Variants in ASB14 observed in about 807,000 individuals in gnomAD.
ASB14 encodes the protein ankyrin repeat and SOCS box protein 14.
ASB14 carries 63 observed loss-of-function variants against 55.6 expected under a neutral mutation model. The observed-to-expected ratio is 1.13, with a 90% CI of 0.92 to 1.40. The LOEUF (loss-of-function observed/expected upper bound fraction) is 1.40. Among genes scored for constraint, ASB14 ranks in the 40% most tolerant of loss-of-function variants. The pLI is 0.00. For synonymous variants in ASB14, 256 were observed against 259.9 expected (o/e 0.98, Z 0.15); for missense variants, 724 against 710.4 (o/e 1.02, Z -0.22).
intron 2 of ASB14, among the ~76,000 whole-genome samples, chr3:57,289,808 C>T (rs1024452136): frequency 1.3e-5 from 2 of 149,810 alleles, no homozygotes; most frequent in South Asian, 2.1e-4. Flanking sequence ...CCATCACGGC[C>T]GGCTAATTTT....
At chr3:57,284,518 A>G (rs1442098394) in intron 5 of ASB14, among the ~76,000 whole-genome samples, 2 of 152,200 alleles carry the variant, frequency 1.3e-5, no homozygotes, top group Non-Finnish European at 2.9e-5. Flanking sequence ...CATTTGCTTA[A>G]CTTTTTAACC....
chr3:57,280,538 A>ATCCCCATCACC, intron 6 of ASB14, 65 bp from the exon 7 acceptor site: 4 of 1,418,754 alleles, frequency 2.8e-6, no homozygotes, highest in Non-Finnish European at 3.8e-6. Context: ...GAGCAATCTT[A>ATCCCCATCACC]AAAATATATC....
At chr3:57,276,438 G>T in intron 10 of ASB14, 90 bp downstream of exon 10, 1 of 937,698 alleles carries the variant, frequency 1.1e-6, no homozygotes, top group South Asian at 1.8e-5. Flanking sequence ...AAAGGACTTA[G>T]ACTGCATTGA....
chr3:57,276,764 G>C (rs768432634), intron 9 of ASB14, 36 bp from the exon 10 acceptor site: 5 of 1,565,380 alleles, frequency 3.2e-6, no homozygotes, highest in Non-Finnish European at 4.3e-6. Context: ...AAGAGAAAAA[G>C]AACTTTTTTT....
At chr3:57,284,915 T>C (rs1030953071) in intron 5 of ASB14, among the ~76,000 whole-genome samples, 2 of 150,602 alleles carry the variant, frequency 1.3e-5, no homozygotes, top group African/African-American at 4.9e-5. Context: ...CAGTACTCTG[T>C]TGGTCTCTCT....
intron 6 of ASB14, among the ~76,000 whole-genome samples, chr3:57,281,011 A>C (rs1015624770): frequency 6.6e-6 from 1 of 152,198 alleles, no homozygotes; most frequent in Non-Finnish European, 1.5e-5. Flanking sequence ...ATTAGTACAG[A>C]GTATCCCTTA....
intron 6 of ASB14, 156 bp downstream of exon 6, chr3:57,283,038 A>G (rs1453566061): frequency 7.3e-6 from 8 of 1,088,920 alleles, no homozygotes; most frequent in African/African-American, 1.6e-5. Flanking sequence ...TCTTTATGTT[A>G]GGCTTCTCAG....
rs1435779980 is a variant in ASB14 at position 57,278,385 on chromosome 3, CT to C, written c.1422del (p.Asp475IlefsTer7). The C allele has an allele frequency of 1.2e-6, 2 of 1,613,078 alleles. No homozygotes were observed. Among genetic ancestry groups the C allele is most frequent in the Non-Finnish European group, 1.7e-6 (2 of 1,179,216 alleles). On this transcript the variant is annotated frameshift_variant, in exon 8 of 11. Transcript: ENST00000487349. LOFTEE classifies it high-confidence loss of function. ...TVEGWTSTVIKDTKFCEVITL... is the reference protein window; with the variant it reads ...TVEGWTSTVIXDTKFCEVITL... Reference sequence around the variant, plus strand: ...CAATACTGTGGACTTACCTTAGTATCTTTGATAACTGTAGATGTCCAGCCTT... The same window carrying C: ...CAATACTGTGGACTTACCTTAGTATCTTGATAACTGTAGATGTCCAGCCTT...
At chr3:57,288,708 C>CTTTGTTTTTTTT in intron 3 of ASB14, among the ~76,000 whole-genome samples, 1 of 102,392 alleles carries the variant, frequency 9.8e-6, no homozygotes, top group Non-Finnish European at 1.8e-5. Flanking sequence ...CATATCTTTC[C>CTTTGTTTTTTTT]TTTTTTTTTT....
chr3:57,286,231 A>G (rs551134991), intron 5 of ASB14, among the ~76,000 whole-genome samples: 6 of 146,422 alleles, frequency 4.1e-5, no homozygotes, highest in Admixed American at 6.8e-5. Flanking sequence ...GTCTGTGGAA[A>G]CTTCTTTCCA....
At chr3:57,281,843 G>A (rs1173307820) in intron 6 of ASB14, among the ~76,000 whole-genome samples, 2 of 152,106 alleles carry the variant, frequency 1.3e-5, no homozygotes, top group Non-Finnish European at 1.5e-5. Flanking sequence ...GCAATGCAGG[G>A]TGATAATGTG....
chr3:57,283,707 ACTTAT>A (rs1183031152), intron 5 of ASB14, among the ~76,000 whole-genome samples: 1 of 152,210 alleles, frequency 6.6e-6, no homozygotes, highest in Non-Finnish European at 1.5e-5. Context: ...TAAACTTTTC[ACTTAT>A]CTTTATTCTT....
At chr3:57,285,611 C>T (rs761126815) in intron 5 of ASB14, among the ~76,000 whole-genome samples, 1 of 152,142 alleles carries the variant, frequency 6.6e-6, no homozygotes, top group Non-Finnish European at 1.5e-5. Context: ...ATTTACATTT[C>T]CTTTTATGCA....
rs1280810304 is a variant in ASB14, at chr3:57,279,280, T to C, written c.888-360A>G. On this transcript the variant is annotated intron_variant, in intron 7 of 10. Transcript: ENST00000487349. ...AGAGTTTTTCTTTTTTTTTTTTTTT[T>C]TTTTTTTTTTTTGAGACGGAGTTTC... Among the ~76,000 whole-genome samples, 8 of 143,202 alleles carry C rather than the reference T, an allele frequency of 5.6e-5. No homozygotes were observed. The South Asian group carries it at 1.2e-3, about 21-fold the overall frequency. The allele number at this position is 143,202 out of a possible 152,430, so 93.9% of individuals were successfully genotyped here. A position where few individuals can be genotyped will look rare whatever the true frequency, so the allele number is the denominator to read the frequency against.
intron 7 of ASB14, among the ~76,000 whole-genome samples, chr3:57,279,582 C>T (rs1281030653): frequency 6.6e-6 from 1 of 151,888 alleles, no homozygotes; most frequent in Non-Finnish European, 1.5e-5. Context: ...CCTGTAGTCC[C>T]AGCTACTCAG....
At chr3:57,283,089 T>C in intron 6 of ASB14, 105 bp downstream of exon 6, 1 of 1,383,262 alleles carries the variant, frequency 7.2e-7, no homozygotes, top group East Asian at 2.5e-5. Flanking sequence ...ACATTTATAT[T>C]AGGCTTAAAT....
chr3:57,269,972 G>A (rs928603819), intron 10 of ASB14: 12 of 218,502 alleles, frequency 5.5e-5, no homozygotes, highest in South Asian at 3.1e-4. Context: ...AATTTTTTCC[G>A]TCAAATTGTG....
intron 5 of ASB14, among the ~76,000 whole-genome samples, chr3:57,284,395 C>T (rs1187587451): frequency 6.6e-6 from 1 of 152,250 alleles, no homozygotes; most frequent in East Asian, 1.9e-4. Context: ...CTCCCAAAGG[C>T]TGGGATTACT....
At chr3:57,291,845 G>C in intron 2 of ASB14, 67 bp downstream of exon 2, 1 of 1,365,376 alleles carries the variant, frequency 7.3e-7, no homozygotes, top group South Asian at 1.4e-5. Context: ...CTAGAGTTAA[G>C]CTAATGACAA....
Sources: gnomAD v4.1 joint callset for allele counts (sites outside exome capture counted in the v4.1 genomes callset) on GRCh38, gnomAD v4.1.1 for gene constraint, MANE v1.5 for transcripts, NCBI Gene and HGNC (gene_info 2026-07-23, HGNC 2026-07-21) for gene names.